The following SLC47A1 variants were observed in gnomAD, a reference collection of about 807,000 sequenced individuals.
The protein encoded by SLC47A1 is solute carrier family 47 member 1, also known as multidrug and toxin extrusion protein 1.
SLC47A1 carries 58 observed loss-of-function variants against 65.8 expected under a neutral mutation model. The ratio of observed to expected loss-of-function variants is 0.88; its 90% CI spans 0.71 to 1.10. SLC47A1 has a LOEUF of 1.10. SLC47A1 is among the 50% of genes least tolerant of loss of function. The probability of loss-of-function intolerance (pLI) is 0.00; values close to 1 mark genes in which losing one functional copy is unlikely to be tolerated. For missense variants in SLC47A1, 706 were observed against 719.2 expected, an observed-to-expected ratio of 0.98 and a Z score of 0.21; for synonymous variants, 285 against 295.0, an observed-to-expected ratio of 0.97 and a Z score of 0.35.
intron 4 of SLC47A1, among the ~76,000 whole-genome samples, chr17:19,548,736 C>T (rs2014082): frequency 0.17 from 26,276 of 152,058 alleles, 2,365 homozygotes; most frequent in East Asian, 0.32. Flanking sequence ...CCTGACCTCA[C>T]GGGATCTGTC....
intron 1 of SLC47A1, among the ~76,000 whole-genome samples, chr17:19,539,979 C>T (rs1597492711): frequency 6.6e-6 from 1 of 152,110 alleles, no homozygotes; most frequent in South Asian, 2.1e-4. Flanking sequence ...TGAGGCTGCC[C>T]GACTCAGGCA....
Position 19,555,268 on chromosome 17 carries a change from C to T in SLC47A1, c.600C>T (p.Leu200=), listed in dbSNP as rs372578108. The T allele has an allele frequency of 1.7e-5, 27 of 1,614,076 alleles. No individual in the cohort carries two copies. The highest frequency in any genetic ancestry group is 1.3e-4 in the South Asian group (12 of 91,084). Residue 200 remains leucine, a synonymous_variant, in exon 7 of 17, where the codon CTC becomes CTT. Coordinates refer to ENST00000270570, the MANE Select transcript of SLC47A1 (RefSeq NM_018242.3). ...TGVAANLVNA[L]ANYLFLHQLH... ...TTGCAGCCAACCTTGTCAATGCCCT[C>T]GCCAACTATCTGTTTCTCCATCAAC...
At chr17:19,554,010 C>A (rs1916530066) in intron 6 of SLC47A1, among the ~76,000 whole-genome samples, 1 of 152,166 alleles carries the variant, frequency 6.6e-6, no homozygotes, top group African/African-American at 2.4e-5. Context: ...CGGCCAAGAC[C>A]ATTGTCCTGG....
chr17:19,534,326 G>A (rs1474086199), intron 1 of SLC47A1: 4 of 433,778 alleles, frequency 9.2e-6, no homozygotes, highest in Non-Finnish European at 1.6e-5. Context: ...GCGCCCGGGC[G>A]CATGTTGGCT....
In SLC47A1 at chr17:19,555,995, G is replaced by T. The variant is rs201666623; in HGVS notation, c.854G>T (p.Gly285Val). The change falls in exon 10 of 17, where the codon GGC (glycine) becomes GTC (valine). Residue 285 changes from glycine to valine, a missense_variant and splice_region_variant. By Grantham distance (109) the Gly-to-Val change is moderately radical. Coordinates refer to ENST00000270570, the MANE Select transcript of SLC47A1 (RefSeq NM_018242.3). ...WAYEVGSFLS[G>V]ILGMVELGAQ... The stretch of plus-strand genomic sequence containing the variant: ...GGCGACAGCTGTCTTTCTTCACCAG[G>T]CATCCTCGGCATGGTGGAGCTGGGC... 6.7e-5 allele frequency: 108 copies of T among 1,614,172 alleles called. No individual in the cohort carries two copies. Among genetic ancestry groups the T allele is most frequent in the Non-Finnish European group, 7.1e-5 (84 of 1,180,034 alleles).
In SLC47A1 at chr17:19,561,383, C is replaced by T. The variant is rs545225583; in HGVS notation, c.1106+890C>T. On this transcript the variant is annotated intron_variant, in intron 12 of 16. Coordinates refer to ENST00000270570, the MANE Select transcript of SLC47A1 (RefSeq NM_018242.3). ...GCTCGGCCGGGCGCGGTGGCTCACA[C>T]CTGTAATCCCAGCACTTTGGGAGGT... Among the ~76,000 whole-genome samples the T allele has an allele frequency of 3.3e-5, 5 of 152,146 alleles. No individual in the cohort carries two copies. The South Asian group carries it at 1.0e-3, about 32-fold the overall frequency.
At chr17:19,547,920 T>C in intron 3 of SLC47A1, 65 bp from the exon 4 acceptor site, 1 of 1,493,628 alleles carries the variant, frequency 6.7e-7, no homozygotes, top group Non-Finnish European at 9.0e-7. Context: ...AATTGAAGGC[T>C]TTTAGGGGAC....
intron 1 of SLC47A1, among the ~76,000 whole-genome samples, chr17:19,535,800 C>T (rs1335920890): frequency 6.6e-6 from 1 of 152,072 alleles, no homozygotes; most frequent in Non-Finnish European, 1.5e-5. Context: ...CCTGCTTTGA[C>T]CTCCGAAAGT....
Position 19,547,989 on chromosome 17 carries a change from A to G in SLC47A1, c.311A>G (p.Tyr104Cys). 3 of 1,612,132 alleles carry G rather than the reference A, an allele frequency of 1.9e-6. No homozygotes were observed. Among genetic ancestry groups the G allele is most frequent in the Non-Finnish European group, 2.5e-6 (3 of 1,178,558 alleles). Residue 104 changes from tyrosine (Y) to cysteine (C), a missense_variant, in exon 4 of 17, where the codon TAC (tyrosine) becomes TGC (cysteine). Physicochemically the swap from Tyr to Cys is radical, Grantham distance 194. Coordinates refer to ENST00000270570, the MANE Select transcript of SLC47A1 (RefSeq NM_018242.3). ...SACDTLISQT[Y>C]GSQNLKHVGV... is the part of the protein sequence containing the mutation. ...TTTTGGCTGTGTGCACCCCAGACGT[A>G]CGGGAGCCAGAACCTGAAGCACGTG... is the stretch of plus-strand genomic sequence containing the variant.
intron 6 of SLC47A1, among the ~76,000 whole-genome samples, chr17:19,552,850 G>A (rs374660107): frequency 3.3e-5 from 5 of 152,282 alleles, no homozygotes; most frequent in Non-Finnish European, 5.9e-5. Context: ...ATCGAGAGGC[G>A]GGCTGGCCCA....
chr17:19,567,296 C>G, intron 14 of SLC47A1, 68 bp downstream of exon 14: 2 of 1,602,592 alleles, frequency 1.2e-6, no homozygotes, highest in Non-Finnish European at 1.7e-6. Context: ...TCGGAGCACA[C>G]GGGTCTTTGA....
At chr17:19,567,963 G>A (rs374663623) in intron 14 of SLC47A1, 2 of 152,182 alleles carry the variant, frequency 1.3e-5, no homozygotes, top group East Asian at 1.9e-4. Flanking sequence ...TTAATCCACA[G>A]CATCTGAAAT....
intron 1 of SLC47A1, among the ~76,000 whole-genome samples, chr17:19,540,949 C>T (rs1045095793): frequency 2.0e-5 from 3 of 152,100 alleles, no homozygotes; most frequent in Non-Finnish European, 2.9e-5. Context: ...AACAGTCTCT[C>T]CCGGGATGTG....
chr17:19,540,441 G>A (rs1490991459), intron 1 of SLC47A1, among the ~76,000 whole-genome samples: 2 of 152,188 alleles, frequency 1.3e-5, no homozygotes, highest in Non-Finnish European at 2.9e-5. Flanking sequence ...GTGATGCCGA[G>A]TTTACAAATA....
At chr17:19,574,027 A>G (rs2152317827) in intron 16 of SLC47A1, among the ~76,000 whole-genome samples, 1 of 149,446 alleles carries the variant, frequency 6.7e-6, no homozygotes, top group Non-Finnish European at 1.5e-5. Context: ...GGTTCAAGCG[A>G]TTCTCCTGCC....
intron 1 of SLC47A1, chr17:19,535,693 G>A (rs571462248): frequency 9.2e-5 from 14 of 152,456 alleles, no homozygotes; most frequent in African/African-American, 3.4e-4. Context: ...GAACCCGGGA[G>A]GCGGAGGTTG....
intron 14 of SLC47A1, chr17:19,571,071 C>CT (rs5819676): frequency 0.016 from 2,297 of 143,158 alleles, 37 homozygotes; most frequent in African/African-American, 0.048. Flanking sequence ...GTGATTTCTG[C>CT]TTTTTTTTTT....
intron 16 of SLC47A1, among the ~76,000 whole-genome samples, chr17:19,575,232 G>A (rs540699674): frequency 3.9e-5 from 6 of 151,938 alleles, no homozygotes; most frequent in Admixed American, 1.3e-4. Flanking sequence ...CACTGCACCC[G>A]GCCCAAAATG....
chr17:19,545,991 G>C (rs548398353), intron 2 of SLC47A1, among the ~76,000 whole-genome samples: 13 of 152,186 alleles, frequency 8.5e-5, no homozygotes, highest in Admixed American at 6.5e-4. Context: ...GGGAGGCGGA[G>C]GCGGGTGGAT....
Sources: allele counts gnomAD v4.1 joint callset (sites outside exome capture counted in the v4.1 genomes callset), GRCh38; gene constraint gnomAD v4.1.1; transcripts MANE v1.5; gene names NCBI Gene and HGNC (gene_info 2026-07-23, HGNC 2026-07-21).